The following L3MBTL2 variants were observed in gnomAD, a reference collection of about 807,000 sequenced individuals.
L3MBTL2 encodes the protein L3MBTL histone methyl-lysine binding protein 2, also known as lethal(3)malignant brain tumor-like protein 2.
L3MBTL2 carries 49 observed loss-of-function variants against 86.4 expected under a neutral mutation model. The ratio of observed to expected loss-of-function variants is 0.57; its 90% CI spans 0.45 to 0.72. The LOEUF (loss-of-function observed/expected upper bound fraction) is 0.72, where lower values mean the gene tolerates loss of function less well. L3MBTL2 is among the 30% of genes least tolerant of loss of function. The pLI, the probability that L3MBTL2 is intolerant of heterozygous loss-of-function variation, is 0.00. For missense variants in L3MBTL2, 755 were observed against 923.7 expected, an observed-to-expected ratio of 0.82 and a Z score of 2.37; for synonymous variants, 336 against 350.6, an observed-to-expected ratio of 0.96 and a Z score of 0.47.
chr22:41,210,036 G>C, intron 2 of L3MBTL2, 103 bp downstream of exon 2: 4 of 1,470,032 alleles, frequency 2.7e-6, no homozygotes, highest in Non-Finnish European at 3.6e-6. Context: ...AGATGTAAAA[G>C]GCTATTAACT....
At chr22:41,210,143 C>CTTTTTT (rs869292228) in intron 2 of L3MBTL2, 11 of 162,878 alleles carry the variant, frequency 6.8e-5, no homozygotes, top group African/African-American at 1.7e-4. Context: ...AGTCTAATTT[C>CTTTTTT]TTTTTTTTTT....
Position 41,227,184 on chromosome 22 carries a change from G to A in L3MBTL2, c.1683G>A (p.Val561=), listed in dbSNP as rs1390798870. 3 of 1,613,748 alleles carry A rather than the reference G, an allele frequency of 1.9e-6. No homozygotes were observed. Among genetic ancestry groups the A allele is most frequent in the Admixed American group, 1.7e-5 (1 of 60,032 alleles). The stretch of plus-strand genomic sequence containing the variant: ...TCTGTGTGGCCACGGTGAAACGAGT[G>A]GTGCATCGGCTCCTCAGCATCCACT... ...RLICVATVKR[V]VHRLLSIHFD... The change falls in exon 14 of 17, where the codon GTG becomes GTA. Residue 561 remains valine (V), a synonymous_variant. Coordinates refer to ENST00000216237, the MANE Select transcript of L3MBTL2 (RefSeq NM_031488.5). This position sits in a 1 kb window ranked among gnomAD's most constrained non-coding sequence, Gnocchi z 6.0.
chr22:41,215,658 G>GAACATTCGCCTATGTGGACCCTCTCCCA (rs1398907406), intron 3 of L3MBTL2, among the ~76,000 whole-genome samples: 5 of 151,258 alleles, frequency 3.3e-5, no homozygotes, highest in Non-Finnish European at 5.9e-5. Context: ...ACCCTCTCCC[G>GAACATTCGCCTATGTGGACCCTCTCCCA]AACATTCGCC....
At chr22:41,221,139 G>A (rs900588736) in intron 7 of L3MBTL2, 60 bp from the exon 8 acceptor site, 28 of 1,386,946 alleles carry the variant, frequency 2.0e-5, no homozygotes, top group South Asian at 6.6e-5. Flanking sequence ...CGGCGCTAGC[G>A]CCCCTGTCAG....
At chr22:41,223,934 C>A in intron 8 of L3MBTL2, 86 bp from the exon 9 acceptor site, 1 of 1,067,188 alleles carries the variant, frequency 9.4e-7, no homozygotes, top group Non-Finnish European at 1.4e-6. Context: ...AACACCACAC[C>A]TTCCCTGTCC....
intron 8 of L3MBTL2, among the ~76,000 whole-genome samples, chr22:41,222,907 C>T (rs192053428): frequency 2.7e-5 from 4 of 150,656 alleles, no homozygotes; most frequent in African/African-American, 4.9e-5. Context: ...GGCCACAGAG[C>T]GAGGAGACTC....
chr22:41,227,034 C>A lies in L3MBTL2; in HGVS notation c.1588-55C>A. The A allele has an allele frequency of 6.7e-7, 1 of 1,488,326 alleles. No individual in the cohort carries two copies. Among genetic ancestry groups the A allele is most frequent in the Non-Finnish European group, 9.1e-7 (1 of 1,093,140 alleles). 92.2% of individuals were successfully genotyped at this position (1,488,326 alleles called of 1,614,324 possible). On this transcript the variant is annotated intron_variant, in intron 13 of 16. Coordinates refer to ENST00000216237, the MANE Select transcript of L3MBTL2 (RefSeq NM_031488.5). This position sits in a 1 kb window ranked among gnomAD's most constrained non-coding sequence, Gnocchi z 6.0. ...TCAAGTGCCTCCGGGCCGGGGCAAG[C>A]CTGCTGGGGTAGGGAGCTGACTGGC...
chr22:41,230,114 C>G (rs368837915), intron 16 of L3MBTL2, 25 bp from the exon 17 acceptor site: 1 of 1,199,734 alleles, frequency 8.3e-7, no homozygotes, highest in Non-Finnish European at 1.2e-6. Flanking sequence ...ACTCGCCCAC[C>G]CACCCGCCTC....
intron 2 of L3MBTL2, 56 bp from the exon 3 acceptor site, chr22:41,213,835 CTT>C: frequency 1.3e-6 from 2 of 1,599,432 alleles, no homozygotes; most frequent in African/African-American, 1.3e-5. Flanking sequence ...GGGCCCATCA[CTT>C]TGTTTGCTTT....
chr22:41,211,557 CT>C (rs71200672), intron 2 of L3MBTL2, among the ~76,000 whole-genome samples: 31,499 of 97,166 alleles, frequency 0.32, 4,234 homozygotes, highest in Admixed American at 0.44. Flanking sequence ...ATCTTATTTC[CT>C]TTTTTTTTTT....
chr22:41,216,297 C>G, intron 4 of L3MBTL2, 35 bp downstream of exon 4: 1 of 1,600,116 alleles, frequency 6.2e-7, no homozygotes, highest in South Asian at 1.1e-5. Flanking sequence ...AGGAAGCTGC[C>G]GTGGCTGGGG....
intron 4 of L3MBTL2, 182 bp from the exon 5 acceptor site, chr22:41,216,941 C>G: frequency 3.5e-6 from 2 of 571,356 alleles, no homozygotes; most frequent in East Asian, 2.9e-5. Context: ...CAACAGTGGT[C>G]CCTCATGGCC....
intron 3 of L3MBTL2, 86 bp downstream of exon 3, chr22:41,214,112 G>A (rs2031139906): frequency 4.3e-6 from 6 of 1,397,528 alleles, no homozygotes; most frequent in Non-Finnish European, 6.0e-6. Context: ...GGCCAGGAAA[G>A]TTTGAAAAGG....
intron 15 of L3MBTL2, among the ~76,000 whole-genome samples, chr22:41,229,282 T>G (rs2032412792): frequency 6.6e-6 from 1 of 152,140 alleles, no homozygotes; most frequent in African/African-American, 2.4e-5. Context: ...TAAAAAAAGA[T>G]TTTAAAAAGC....
Position 41,225,846 on chromosome 22 carries a change from A to G in L3MBTL2, c.1409A>G (p.Asp470Gly). 4.3e-6 allele frequency: 7 copies of G among 1,614,054 alleles called. No individual in the cohort carries two copies. The highest frequency in any genetic ancestry group is 5.9e-6 in the Non-Finnish European group (7 of 1,179,976). The change falls in exon 12 of 17, where the codon GAT becomes GGT. Residue 470 changes from aspartate to glycine, a missense_variant. Asp to Gly is a moderately conservative substitution (Grantham distance 94, BLOSUM62 -1). Around this residue, in one of 3 missense-constraint regions of L3MBTL2, gnomAD observed 634 missense variants for 748.9 expected, o/e 0.85. Coordinates refer to ENST00000216237, the MANE Select transcript of L3MBTL2 (RefSeq NM_031488.5). This position sits in a 1 kb window ranked among gnomAD's most constrained non-coding sequence, Gnocchi z 4.1. The stretch of plus-strand genomic sequence containing the variant: ...TGTGTGGACGGGGGGCCCTCCACAG[A>G]TGGCTTGGACTGGTTCTGCTACCAT... ...MICVDGGPST[D>G]GLDWFCYHAS... is the part of the protein sequence containing the mutation.
chr22:41,227,805 A>G lies in L3MBTL2; in HGVS notation c.1824A>G (p.Glu608=), dbSNP rs750785556. ...GYQLQPPVAA[E]PATPLKAKEA... ...TTCACCCTTGTCTTTCAACAACAGAACCGGCCACACCGCTGAAGGCCAAAG... is the reference window on the plus strand; with the variant it reads ...TTCACCCTTGTCTTTCAACAACAGAGCCGGCCACACCGCTGAAGGCCAAAG... Residue 608 remains glutamate, a splice_region_variant and synonymous_variant, in exon 15 of 17, where the codon GAA becomes GAG. Transcript: ENST00000216237. The surrounding 1 kb of genome is among the most constrained non-coding windows in gnomAD (Gnocchi z 6.0). The G allele has an allele frequency of 6.2e-7, 1 of 1,611,732 alleles. No individual in the cohort carries two copies. Among genetic ancestry groups the G allele is most frequent in the Non-Finnish European group, 8.5e-7 (1 of 1,178,712 alleles).
intron 5 of L3MBTL2, chr22:41,219,212 C>CA: frequency 2.1e-6 from 1 of 481,810 alleles, no homozygotes. Context: ...CATCACCCTG[C>CA]ATCCCACCAC....
At chr22:41,229,975 G>A (rs2032472541) in intron 16 of L3MBTL2, among the ~76,000 whole-genome samples, 164 bp from the exon 17 acceptor site, 2 of 152,132 alleles carry the variant, frequency 1.3e-5, no homozygotes, top group Non-Finnish European at 2.9e-5. Flanking sequence ...TTGGGGCCTT[G>A]GCCCTTTGCT....
chr22:41,211,778 C>T (rs1193154775), intron 2 of L3MBTL2, among the ~76,000 whole-genome samples: 12 of 145,748 alleles, frequency 8.2e-5, no homozygotes, highest in South Asian at 2.2e-4. Flanking sequence ...AGGATGGTCT[C>T]GATCTCCTGA....
Sources: allele counts gnomAD v4.1 joint callset (sites outside exome capture counted in the v4.1 genomes callset), GRCh38; gene constraint gnomAD v4.1.1; regional missense constraint gnomAD v4.1.1; non-coding constraint Gnocchi (gnomAD v3.1); transcripts MANE v1.5; gene names NCBI Gene and HGNC (gene_info 2026-07-23, HGNC 2026-07-21).